ARHGAP15: variants seen among roughly 807,000 people sequenced by gnomAD.
ARHGAP15 encodes the protein Rho GTPase activating protein 15.
In ARHGAP15, 51 loss-of-function variants were observed where a neutral mutation model predicts 63.7. The observed-to-expected ratio is 0.80, with a 90% CI of 0.64 to 1.01. The LOEUF is 1.01. Among genes scored for constraint, ARHGAP15 ranks in the 50% least tolerant of loss-of-function variants. The pLI, the probability that ARHGAP15 is intolerant of heterozygous loss-of-function variation, is 0.00. For missense variants in ARHGAP15, 560 were observed against 564.6 expected (o/e 0.99, Z 0.08); for synonymous variants, 191 against 193.8 (o/e 0.99, Z 0.12).
intron 13 of ARHGAP15, among the ~76,000 whole-genome samples, chr2:143,749,410 T>C (rs961575558): frequency 6.6e-6 from 1 of 151,394 alleles, no homozygotes; most frequent in Non-Finnish European, 1.5e-5. Context: ...TGCATCCTTC[T>C]CTCTCTCTTT....
Position 143,609,962 on chromosome 2 carries a change from G to A in ARHGAP15, c.1004-14171G>A, listed in dbSNP as rs538217615. Among the ~76,000 whole-genome samples the A allele has an allele frequency of 3.9e-5, 6 of 152,262 alleles. No individual in the cohort carries two copies. The South Asian group carries it at 1.2e-3, about 32-fold the overall frequency. On this transcript the variant is annotated intron_variant, in intron 11 of 13. Coordinates refer to ENST00000295095, the MANE Select transcript of ARHGAP15 (RefSeq NM_018460.4). ...CTTCTGGGATAAACAATCTTCCTTT[G>A]GGCTTTAAAGAAGTGGTGGGATTGG...
chr2:143,410,336 C>T (rs1016706776), intron 6 of ARHGAP15, among the ~76,000 whole-genome samples: 1 of 152,074 alleles, frequency 6.6e-6, no homozygotes, highest in Non-Finnish European at 1.5e-5. Flanking sequence ...GTAACAAATT[C>T]ATCTTTGAGA....
At chr2:143,667,123 A>C (rs1682245921) in intron 12 of ARHGAP15, among the ~76,000 whole-genome samples, 1 of 151,114 alleles carries the variant, frequency 6.6e-6, no homozygotes, top group Non-Finnish European at 1.5e-5. Context: ...ATGCACACGT[A>C]TGTTTATTGT....
At chr2:143,197,387 G>A (rs907671243) in intron 2 of ARHGAP15, among the ~76,000 whole-genome samples, 6 of 151,774 alleles carry the variant, frequency 4.0e-5, no homozygotes, top group Non-Finnish European at 5.9e-5. Context: ...GCTATTAATC[G>A]ATATCTATAT....
At chr2:143,360,902 T>C (rs1224327191) in intron 6 of ARHGAP15, among the ~76,000 whole-genome samples, 5 of 152,210 alleles carry the variant, frequency 3.3e-5, no homozygotes, top group African/African-American at 1.2e-4. Context: ...AAATTTCTCA[T>C]TGCATAATTT....
intron 11 of ARHGAP15, among the ~76,000 whole-genome samples, chr2:143,571,282 A>G (rs1229537556): frequency 6.6e-6 from 1 of 152,200 alleles, no homozygotes; most frequent in African/African-American, 2.4e-5. Context: ...TCCTGAAACC[A>G]TACTCTTCCC....
intron 11 of ARHGAP15, among the ~76,000 whole-genome samples, chr2:143,623,619 G>C (rs1465059832): frequency 6.6e-6 from 1 of 152,074 alleles, no homozygotes; most frequent in East Asian, 1.9e-4. Context: ...TTTATATTCA[G>C]GCAAAAAAAG....
chr2:143,617,019 G>C (rs1272972915), intron 11 of ARHGAP15, among the ~76,000 whole-genome samples: 2 of 152,152 alleles, frequency 1.3e-5, no homozygotes, highest in East Asian at 3.8e-4. Context: ...TATGAAAACG[G>C]CAATCATGAT....
intron 13 of ARHGAP15, among the ~76,000 whole-genome samples, chr2:143,723,019 G>A (rs1398181640): frequency 6.6e-6 from 1 of 152,280 alleles, no homozygotes; most frequent in East Asian, 1.9e-4. Context: ...ATATGATGGT[G>A]GTCCCATGAG....
chr2:143,686,383 CAAAAAAAAAAAAAAAAAAAAAAA>C (rs35554349), intron 12 of ARHGAP15, among the ~76,000 whole-genome samples: 1 of 55,050 alleles, frequency 1.8e-5, no homozygotes, highest in Non-Finnish European at 3.0e-5. Context: ...GACTCTGTCT[CAAAAAAAAAAAAAAAAAAAAAAA>C]AAAAAAAAAA....
chr2:143,413,971 G>GCGCGCGCGCGCT (rs147891307), intron 6 of ARHGAP15, among the ~76,000 whole-genome samples: 2 of 147,732 alleles, frequency 1.4e-5, no homozygotes, highest in Non-Finnish European at 3.0e-5. Context: ...GTGTGTGCGC[G>GCGCGCGCGCGCT]CTCTCTGGCA....
chr2:143,501,999 G>T (rs1244019571), intron 9 of ARHGAP15, among the ~76,000 whole-genome samples: 3 of 152,192 alleles, frequency 2.0e-5, no homozygotes, highest in Non-Finnish European at 4.4e-5. Flanking sequence ...AGTGGGTAAA[G>T]TTGGCACCAC....
chr2:143,559,014 C>G (rs1383760921), intron 11 of ARHGAP15, among the ~76,000 whole-genome samples: 1 of 152,126 alleles, frequency 6.6e-6, no homozygotes, highest in Non-Finnish European at 1.5e-5. Flanking sequence ...ACTGAATCAG[C>G]GTACCCCCTC....
chr2:143,254,057 A>G (rs186753574), intron 6 of ARHGAP15, among the ~76,000 whole-genome samples: 362 of 152,288 alleles, frequency 2.4e-3, no homozygotes, highest in Non-Finnish European at 4.0e-3. Flanking sequence ...TAACAGCAAC[A>G]CTAGGTCTTC....
chr2:143,551,917 AGAG>A lies in ARHGAP15; in HGVS notation c.926-4483_926-4481del, dbSNP rs558827036. Among the ~76,000 whole-genome samples the A allele has an allele frequency of 1.2e-4, 19 of 152,352 alleles. No individual in the cohort carries two copies. In the East Asian group the frequency reaches 3.7e-3, roughly 29 times the overall value. ...ATGTTGGAAACACTCATTTCAACTT[AGAG>A]GAGGAGGCATAGGTCTGAATGGCAC... On this transcript the variant is annotated intron_variant, in intron 10 of 13. Transcript: ENST00000295095.
chr2:143,474,496 G>C (rs993768552), intron 8 of ARHGAP15, among the ~76,000 whole-genome samples: 16 of 152,334 alleles, frequency 1.1e-4, no homozygotes, highest in Non-Finnish European at 2.4e-4. Flanking sequence ...AATTGGGCCA[G>C]TAGTGGGCAC....
intron 10 of ARHGAP15, among the ~76,000 whole-genome samples, chr2:143,555,411 A>G (rs1468961204): frequency 6.6e-6 from 1 of 152,214 alleles, no homozygotes; most frequent in Admixed American, 6.5e-5. Context: ...ATCTGCTGGC[A>G]ATCTCAGCTA....
intron 6 of ARHGAP15, chr2:143,295,301 A>G (rs1682587418): frequency 6.6e-6 from 1 of 151,978 alleles, no homozygotes; most frequent in African/African-American, 2.4e-5. Flanking sequence ...ACTCACTCTC[A>G]CCCTGTAGAC....
At chr2:143,645,636 A>T (rs1680833976) in intron 12 of ARHGAP15, among the ~76,000 whole-genome samples, 1 of 152,046 alleles carries the variant, frequency 6.6e-6, no homozygotes, top group Non-Finnish European at 1.5e-5. Context: ...TATCAAATAT[A>T]TAAATTATAC....
Sources: allele counts gnomAD v4.1 joint callset (sites outside exome capture counted in the v4.1 genomes callset), GRCh38; gene constraint gnomAD v4.1.1; transcripts MANE v1.5; gene names NCBI Gene and HGNC (gene_info 2026-07-23, HGNC 2026-07-21).